The following PRKAA2 variants were observed in gnomAD, a reference collection of about 807,000 sequenced individuals.
The protein encoded by PRKAA2 is protein kinase AMP-activated catalytic subunit alpha 2, also known as 5'-AMP-activated protein kinase catalytic subunit alpha-2.
In PRKAA2, 40 loss-of-function variants were observed where a neutral mutation model predicts 56.3. The ratio of observed to expected loss-of-function variants is 0.71; its 90% confidence interval spans 0.55 to 0.92. The LOEUF (loss-of-function observed/expected upper bound fraction) is 0.92. Ranked by LOEUF, PRKAA2 falls within the 40% of genes least tolerant of loss-of-function variation. The pLI, the probability that PRKAA2 is intolerant of heterozygous loss-of-function variation, is 0.00. For synonymous variants in PRKAA2, 214 were observed against 234.2 expected, an observed-to-expected ratio of 0.91 and a Z score of 0.79; for missense variants, 542 against 686.9, an observed-to-expected ratio of 0.79 and a Z score of 2.36.
At chr1:56,679,150 G>A (rs1423396758) in intron 2 of PRKAA2, among the ~76,000 whole-genome samples, 1 of 151,852 alleles carries the variant, frequency 6.6e-6, no homozygotes, top group African/African-American at 2.4e-5. Flanking sequence ...TTTCCTTTAT[G>A]GGCCCCGCTT....
At chr1:56,697,012 A>ATTTTTTT (rs752842791) in intron 6 of PRKAA2, among the ~76,000 whole-genome samples, 6 of 57,870 alleles carry the variant, frequency 1.0e-4, no homozygotes, top group South Asian at 7.4e-4. Context: ...CCAGCAAAGA[A>ATTTTTTT]TTTTTTTTTT....
intron 1 of PRKAA2, among the ~76,000 whole-genome samples, chr1:56,669,612 T>C (rs981887135): frequency 2.0e-5 from 3 of 152,082 alleles, no homozygotes; most frequent in African/African-American, 4.8e-5. Flanking sequence ...CCTGGCTTAT[T>C]ATTGCCAGCA....
In PRKAA2 at chr1:56,696,153, A is replaced by G; in HGVS notation, c.782A>G (p.Asp261Gly). The G allele has an allele frequency of 1.2e-6, 2 of 1,607,958 alleles. No individual in the cohort carries two copies. Among genetic ancestry groups the G allele is most frequent in the Non-Finnish European group, 1.7e-6 (2 of 1,176,002 alleles). ...CCACTGAAACGAGCAACTATCAAAG[A>G]CATAAGGTGATTTTTCTTTTTGTTT... is the stretch of plus-strand genomic sequence containing the variant. ...VDPLKRATIK[D>G]IREHEWFKQD... Residue 261 changes from aspartate to glycine, a missense_variant, in exon 6 of 9, where the codon GAC (aspartate) becomes GGC (glycine). Physicochemically the swap from Asp to Gly is moderately conservative, Grantham distance 94. Coordinates refer to ENST00000371244, the MANE Select transcript of PRKAA2 (RefSeq NM_006252.4).
intron 5 of PRKAA2, among the ~76,000 whole-genome samples, chr1:56,695,516 G>A (rs1644253747): frequency 6.6e-6 from 1 of 151,894 alleles, no homozygotes; most frequent in Non-Finnish European, 1.5e-5. Flanking sequence ...GGTGTGCCAG[G>A]GGTAGAAATT....
At chr1:56,680,024 G>A (rs187092860) in intron 2 of PRKAA2, among the ~76,000 whole-genome samples, 174 of 152,254 alleles carry the variant, frequency 1.1e-3, no homozygotes, top group African/African-American at 3.8e-3. Flanking sequence ...CATGCAAAAT[G>A]TGTGTTAATT....
intron 2 of PRKAA2, among the ~76,000 whole-genome samples, chr1:56,687,104 A>G (rs1475333252): frequency 6.6e-6 from 1 of 151,980 alleles, no homozygotes; most frequent in Non-Finnish European, 1.5e-5. Flanking sequence ...GGCTGGTCTC[A>G]GACTCTCGAC....
chr1:56,664,915 T>C (rs2796519), intron 1 of PRKAA2, among the ~76,000 whole-genome samples: 84,971 of 150,356 alleles, frequency 0.57, 24,540 homozygotes, highest in East Asian at 0.83. Context: ...TACAAACAGC[T>C]TGCTAAGTAT....
At chr1:56,706,977 G>C (rs907826839) in intron 8 of PRKAA2, among the ~76,000 whole-genome samples, 2 of 152,138 alleles carry the variant, frequency 1.3e-5, no homozygotes, top group Non-Finnish European at 2.9e-5. Flanking sequence ...TTAAAACGCA[G>C]ATCCCTGGGA....
intron 4 of PRKAA2, 50 bp downstream of exon 4, chr1:56,692,552 A>T: frequency 6.4e-7 from 1 of 1,554,128 alleles, no homozygotes; most frequent in Non-Finnish European, 8.8e-7. Context: ...CTTTTAAAGC[A>T]TAACAACTCA....
intron 2 of PRKAA2, among the ~76,000 whole-genome samples, chr1:56,680,469 A>G (rs1389722374): frequency 6.6e-6 from 1 of 151,984 alleles, no homozygotes; most frequent in Non-Finnish European, 1.5e-5. Flanking sequence ...TTAACTCGTC[A>G]TTTACATTAG....
chr1:56,645,387 G>A lies in PRKAA2; in HGVS notation c.-1G>A, dbSNP rs761057070. 2.2e-5 allele frequency: 32 copies of A among 1,483,686 alleles called. No homozygotes were observed. The East Asian group carries it at 6.2e-4, about 29-fold the overall frequency. The allele number at this position is 1,483,686 out of a possible 1,614,324, so 91.9% of individuals were successfully genotyped here. On this transcript the variant is annotated 5_prime_UTR_variant, in exon 1 of 9. Transcript: ENST00000371244. ...GTGGAGCGAGGCCGCGCGCGCCGAA[G>A]ATGGCTGAGAAGCAGAAGCACGACG...
At chr1:56,680,258 G>A (rs2796505) in intron 2 of PRKAA2, among the ~76,000 whole-genome samples, 150,142 of 152,286 alleles carry the variant, frequency 0.99, 74,016 homozygotes, top group East Asian at 1. Context: ...CACCTTTTCC[G>A]AAGCCCTTAA....
At chr1:56,674,803 A>C (rs776519019) in intron 2 of PRKAA2, among the ~76,000 whole-genome samples, 8 of 152,050 alleles carry the variant, frequency 5.3e-5, no homozygotes, top group Non-Finnish European at 1.0e-4. Flanking sequence ...TGATGAATGA[A>C]GTTGATTCAT....
chr1:56,651,585 A>G (rs1328855616), intron 1 of PRKAA2, among the ~76,000 whole-genome samples: 1 of 152,204 alleles, frequency 6.6e-6, no homozygotes, highest in African/African-American at 2.4e-5. Flanking sequence ...CTACAAGGAT[A>G]TAATTTTCTA....
chr1:56,666,824 T>A (rs1644039699), intron 1 of PRKAA2, among the ~76,000 whole-genome samples: 1 of 152,214 alleles, frequency 6.6e-6, no homozygotes, highest in Non-Finnish European at 1.5e-5. Context: ...TATTCAACCA[T>A]TCTGATTACC....
chr1:56,674,316 G>A (rs1644098254), intron 1 of PRKAA2, 65 bp from the exon 2 acceptor site: 2 of 1,373,298 alleles, frequency 1.5e-6, no homozygotes, highest in African/African-American at 3.0e-5. Flanking sequence ...CACAATGGAA[G>A]GAAGCATGAA....
At position 56,708,910 on chromosome 1, in the gene PRKAA2, C is replaced by A. The variant is rs560802101; in HGVS notation, c.*1197C>A. ...TAAATAAATATATATATTCACACAC[C>A]AGTGCTTTTAAGCAAAAACCAGTTT... On this transcript the variant is annotated 3_prime_UTR_variant, in exon 9 of 9. Transcript: ENST00000371244. 1 of 151,678 alleles carries A rather than the reference C, an allele frequency of 6.6e-6. No individual in the cohort carries two copies. The highest frequency in any genetic ancestry group is 1.5e-5 in the Non-Finnish European group (1 of 67,930). 9.4% of individuals were successfully genotyped at this position (151,678 alleles called of 1,614,324 possible).
intron 1 of PRKAA2, among the ~76,000 whole-genome samples, chr1:56,673,891 A>G (rs996958458): frequency 6.6e-6 from 1 of 152,236 alleles, no homozygotes; most frequent in Non-Finnish European, 1.5e-5. Flanking sequence ...GGGGAAAATA[A>G]GAGGACTTTA....
At position 56,714,384 on chromosome 1, in the gene PRKAA2, G is replaced by A. The variant is rs953471494; in HGVS notation, c.*6671G>A. 1 of 152,136 alleles carries A rather than the reference G, an allele frequency of 6.6e-6. No individual in the cohort carries two copies. Among genetic ancestry groups the A allele is most frequent in the South Asian group, 2.1e-4 (1 of 4,820 alleles). The allele number at this position is 152,136 out of a possible 1,614,324, so 9.4% of individuals were successfully genotyped here. On this transcript the variant is annotated 3_prime_UTR_variant, in exon 9 of 9. Coordinates refer to ENST00000371244, the MANE Select transcript of PRKAA2 (RefSeq NM_006252.4). ...TTGAAAGCCCTTGTTTAAATACAGG[G>A]TTTATATCCCCACATTCAATGTAAA...
Sources: gnomAD v4.1 joint callset for allele counts (sites outside exome capture counted in the v4.1 genomes callset) on GRCh38, gnomAD v4.1.1 for gene constraint, MANE v1.5 for transcripts, NCBI Gene and HGNC (gene_info 2026-07-23, HGNC 2026-07-21) for gene names.